Variants in MYH14 observed in about 807,000 individuals in gnomAD.
MYH14 encodes the protein myosin heavy chain 14.
MYH14 carries 123 observed loss-of-function variants against 255.5 expected under a neutral mutation model. The ratio of observed to expected loss-of-function variants is 0.48; its 90% CI spans 0.42 to 0.56. The LOEUF (loss-of-function observed/expected upper bound fraction) is 0.56. Ranked by LOEUF, MYH14 falls within the 20% of genes least tolerant of loss-of-function variation. MYH14 has a pLI of 0.00. For missense variants in MYH14, 2,423 were observed against 2,802.3 expected (o/e 0.86, Z 3.06); for synonymous variants, 1,095 against 1,161.2 (o/e 0.94, Z 1.16).
chr19:50,309,089 C>A lies in MYH14; in HGVS notation c.5872C>A (p.Arg1958Ser), dbSNP rs750942360. 1.2e-6 allele frequency: 2 copies of A among 1,613,744 alleles called. No homozygotes were observed. Among genetic ancestry groups the A allele is most frequent in the Non-Finnish European group, 1.7e-6 (2 of 1,179,818 alleles). Residue 1958 changes from arginine (R) to serine (S), a missense_variant, in exon 42 of 43, where the codon CGC becomes AGC. Arg to Ser is a moderately radical substitution (Grantham distance 110). This residue lies in a region of MYH14 where 1,513 missense variants were observed against 1,674.8 expected (regional missense o/e 0.90). Transcript: ENST00000642316. ...GGAGGCATCCCGGGCTCAGGCCGGCCGCCGGAGGCTGCAGCGTGAGCTGGA... is the reference window on the plus strand; with the variant it reads ...GGAGGCATCCCGGGCTCAGGCCGGCAGCCGGAGGCTGCAGCGTGAGCTGGA... ...EEEASRAQAGRRRLQRELEDV... is the reference protein window; with the variant it reads ...EEEASRAQAGSRRLQRELEDV...
At chr19:50,242,925 T>C (rs1053070964) in intron 10 of MYH14, among the ~76,000 whole-genome samples, 5 of 152,158 alleles carry the variant, frequency 3.3e-5, no homozygotes, top group Non-Finnish European at 5.9e-5. Context: ...TTGCTGGTGA[T>C]TGCACTGTCT....
rs754246689 is a variant in MYH14 at position 50,292,389 on chromosome 19, G to A, written c.5256G>A (p.Glu1752=). 1.2e-5 allele frequency: 19 copies of A among 1,577,906 alleles called. No homozygotes were observed. Among genetic ancestry groups the A allele is most frequent in the Non-Finnish European group, 1.5e-5 (18 of 1,162,962 alleles). ...GLEAEVLRLQ[E]ELAASDRARR... is the part of the protein sequence containing the mutation. ...AGGCTGAGGTGCTGCGGCTGCAGGA[G>A]GTGAGGCTGGGGTAGGCTGGGCCCT... Residue 1752 remains glutamate (E), a splice_region_variant and synonymous_variant, in exon 37 of 43, where the codon GAG becomes GAA. Coordinates refer to ENST00000642316, the MANE Select transcript of MYH14 (RefSeq NM_001145809.2).
At chr19:50,286,215 T>A (rs1040779614) in intron 33 of MYH14, 3 of 343,720 alleles carry the variant, frequency 8.7e-6, no homozygotes, top group Non-Finnish European at 1.6e-5. Context: ...ATGTGTATTT[T>A]TTCTACTGCC....
At chr19:50,215,085 C>G (rs1444579575) in intron 2 of MYH14, among the ~76,000 whole-genome samples, 1 of 152,166 alleles carries the variant, frequency 6.6e-6, no homozygotes, top group Non-Finnish European at 1.5e-5. Context: ...TCCAGGAGGG[C>G]TTCCCCAGCT....
chr19:50,286,395 G>T, intron 33 of MYH14, 87 bp from the exon 34 acceptor site: 1 of 1,265,674 alleles, frequency 7.9e-7, no homozygotes, highest in Non-Finnish European at 1.1e-6. Flanking sequence ...CTCTTTCTCT[G>T]TTCCTGGCTG....
Position 50,216,311 on chromosome 19 carries a change from CA to C in MYH14, c.406-1297del, listed in dbSNP as rs141097283. 0.014 allele frequency among the ~76,000 whole-genome samples: 2,178 copies of C among 151,898 alleles called. 79 individuals carry two copies. In the East Asian group the frequency reaches 0.15, roughly 10 times the overall value. ...GCAACATAGAGAGACCCTGTGTCTA[CA>C]AAAAAATACACCAGGTGCGGTGACT... On this transcript the variant is annotated intron_variant, in intron 2 of 42. Transcript: ENST00000642316.
At chr19:50,228,904 C>T (rs908640192) in intron 8 of MYH14, among the ~76,000 whole-genome samples, 5 of 152,174 alleles carry the variant, frequency 3.3e-5, no homozygotes, top group African/African-American at 1.2e-4. Context: ...GATGGCCTGC[C>T]GGGTAAGGAG....
chr19:50,214,885 G>A (rs183684478), intron 2 of MYH14, among the ~76,000 whole-genome samples: 53 of 152,248 alleles, frequency 3.5e-4, no homozygotes, highest in Admixed American at 1.0e-3. Context: ...CATGGGCCCC[G>A]CCTCGGCCTG....
rs2040827204 is a variant in MYH14, at chr19:50,293,093, T to G, written c.5257-140T>G. 1 of 684,774 alleles carries G rather than the reference T, an allele frequency of 1.5e-6. No individual in the cohort carries two copies. The highest frequency in any genetic ancestry group is 2.7e-6 in the Non-Finnish European group (1 of 375,220). 42.4% of individuals were successfully genotyped at this position (684,774 alleles called of 1,614,324 possible). On this transcript the variant is annotated intron_variant, in intron 37 of 42. Transcript: ENST00000642316. This position sits in a 1 kb window ranked among gnomAD's most constrained non-coding sequence, Gnocchi z 4.1. ...ACAGATTTAGGAGACATCTGTAGGT[T>G]GCAGCTCATTCCAGGGTTACCCAGG...
At chr19:50,234,543 A>C (rs941268754) in intron 10 of MYH14, among the ~76,000 whole-genome samples, 12 of 152,226 alleles carry the variant, frequency 7.9e-5, no homozygotes, top group African/African-American at 2.2e-4. Context: ...CTTGTGGCCT[A>C]TTGACACAGG....
intron 19 of MYH14, among the ~76,000 whole-genome samples, chr19:50,259,718 A>C (rs746441232): frequency 1.8e-4 from 27 of 152,180 alleles, no homozygotes; most frequent in Non-Finnish European, 3.2e-4. Flanking sequence ...ATCTCTACTA[A>C]AAATACAAAA....
chr19:50,210,788 G>C lies in MYH14; in HGVS notation c.405+18G>C. On this transcript the variant is annotated intron_variant, in intron 2 of 42. Coordinates refer to ENST00000642316, the MANE Select transcript of MYH14 (RefSeq NM_001145809.2). ...TCATCTACGTGAGTGGGCTCCTGCT[G>C]GGGGGCGCGTGCGGCGGAGTTGCTG... is the stretch of plus-strand genomic sequence containing the variant. 4 of 1,549,578 alleles carry C rather than the reference G, an allele frequency of 2.6e-6. No individual in the cohort carries two copies. The highest frequency in any genetic ancestry group is 3.5e-6 in the Non-Finnish European group (4 of 1,150,780).
Position 50,255,340 on chromosome 19 carries a change from T to G in MYH14, c.2044+22T>G, listed in dbSNP as rs770540646. 9.1e-6 allele frequency: 14 copies of G among 1,531,246 alleles called. No individual in the cohort carries two copies. The South Asian group carries it at 1.4e-4, about 16-fold the overall frequency. The allele number at this position is 1,531,246 out of a possible 1,614,324, so 94.9% of individuals were successfully genotyped here. On this transcript the variant is annotated intron_variant, in intron 17 of 42. Coordinates refer to ENST00000642316, the MANE Select transcript of MYH14 (RefSeq NM_001145809.2). ...GGGGGTGGGTGTCTCTGTGCATCGA[T>G]GGGTGAGGCTTGCTGGAGGAGGAGG...
In MYH14 at chr19:50,293,537, C is replaced by G. The variant is rs1268970038; in HGVS notation, c.5346-27C>G. ...CCCTCCTCTGACCATCCTGTCCTTTCATCCCCACGCCTTCCTGTCTCCCTA... is the reference window on the plus strand; with the variant it reads ...CCCTCCTCTGACCATCCTGTCCTTTGATCCCCACGCCTTCCTGTCTCCCTA... On this transcript the variant is annotated intron_variant, in intron 38 of 42. Coordinates refer to ENST00000642316, the MANE Select transcript of MYH14 (RefSeq NM_001145809.2). This position sits in a 1 kb window ranked among gnomAD's most constrained non-coding sequence, Gnocchi z 4.1. 6.2e-7 allele frequency: 1 copy of G among 1,611,346 alleles called. No homozygotes were observed. Among genetic ancestry groups the G allele is most frequent in the East Asian group, 2.2e-5 (1 of 44,866 alleles).
Position 50,217,652 on chromosome 19 carries a change from A to T in MYH14, c.443A>T (p.Tyr148Phe). ...CTTTTCTGTGTGGTCATCAACCCGTACAAGCAGCTTCCCATCTACACAGAA... is the reference window on the plus strand; with the variant it reads ...CTTTTCTGTGTGGTCATCAACCCGTTCAAGCAGCTTCCCATCTACACAGAA... ...SGLFCVVINP[Y>F]KQLPIYTEAI... Residue 148 changes from tyrosine (Y) to phenylalanine (F), a missense_variant, in exon 3 of 43, where the codon TAC (tyrosine) becomes TTC (phenylalanine). Tyr to Phe is a conservative substitution (Grantham distance 22). Coordinates refer to ENST00000642316, the MANE Select transcript of MYH14 (RefSeq NM_001145809.2). 15 of 1,613,888 alleles carry T rather than the reference A, an allele frequency of 9.3e-6. No homozygotes were observed. The highest frequency in any genetic ancestry group is 1.3e-5 in the Non-Finnish European group (15 of 1,179,848).
At chr19:50,217,538 G>C (rs10412634) in intron 2 of MYH14, 77 bp from the exon 3 acceptor site, 1 of 1,556,716 alleles carries the variant, frequency 6.4e-7, no homozygotes, top group South Asian at 1.1e-5. Flanking sequence ...GCAGTGCACG[G>C]CCTGCTCAGC....
At chr19:50,282,712 A>G (rs1397559218) in intron 33 of MYH14, among the ~76,000 whole-genome samples, 1 of 152,182 alleles carries the variant, frequency 6.6e-6, no homozygotes, top group Non-Finnish European at 1.5e-5. Context: ...CAAAAAAAAA[A>G]TAAAAAATTA....
rs546793480 is a variant in MYH14 at position 50,274,959 on chromosome 19, C to T, written c.3468-1032C>T. 1.7e-4 allele frequency among the ~76,000 whole-genome samples: 26 copies of T among 151,862 alleles called. No individual in the cohort carries two copies. The South Asian group carries it at 5.0e-3, about 29-fold the overall frequency. On this transcript the variant is annotated intron_variant, in intron 27 of 42. Coordinates refer to ENST00000642316, the MANE Select transcript of MYH14 (RefSeq NM_001145809.2). Reference sequence around the variant, plus strand: ...AAAAAAAAAAAAAAAAGAAAGCAGCCACTCCCCATCCCTCCTTCTCCCCAG... The same window carrying T: ...AAAAAAAAAAAAAAAAGAAAGCAGCTACTCCCCATCCCTCCTTCTCCCCAG...
In MYH14 at chr19:50,302,873, G is replaced by A. The variant is rs543848064; in HGVS notation, c.5678+1004G>A. Among the ~76,000 whole-genome samples, 5 of 152,016 alleles carry A rather than the reference G, an allele frequency of 3.3e-5. No individual in the cohort carries two copies. The East Asian group carries it at 9.6e-4, about 29-fold the overall frequency. ...GCCAAGATCACGCCATTGCACTCCA[G>A]CTTAGCAACAAGAGTGAAACTCCGC... On this transcript the variant is annotated intron_variant, in intron 40 of 42. Coordinates refer to ENST00000642316, the MANE Select transcript of MYH14 (RefSeq NM_001145809.2).
Sources: allele counts gnomAD v4.1 joint callset (sites outside exome capture counted in the v4.1 genomes callset), GRCh38; gene constraint gnomAD v4.1.1; regional missense constraint gnomAD v4.1.1; non-coding constraint Gnocchi (gnomAD v3.1); transcripts MANE v1.5; gene names NCBI Gene and HGNC (gene_info 2026-07-23, HGNC 2026-07-21).